The following NUDCD1 variants were observed in gnomAD, a reference collection of about 807,000 sequenced individuals.
NUDCD1 encodes nudC domain-containing protein 1.
In NUDCD1, 60 loss-of-function variants were observed where a neutral mutation model predicts 67.8. The ratio of observed to expected loss-of-function variants is 0.88; its 90% confidence interval spans 0.72 to 1.10. The LOEUF is 1.10. NUDCD1 is among the 50% of genes least tolerant of loss of function. The probability of loss-of-function intolerance (pLI) is 0.00; values close to 1 mark genes in which losing one functional copy is unlikely to be tolerated. For missense variants in NUDCD1, 643 were observed against 695.0 expected, an observed-to-expected ratio of 0.93 and a Z score of 0.84; for synonymous variants, 244 against 230.8, an observed-to-expected ratio of 1.06 and a Z score of -0.52.
intron 6 of NUDCD1, among the ~76,000 whole-genome samples, chr8:109,276,961 C>A (rs1020690967): frequency 6.6e-6 from 1 of 152,100 alleles, no homozygotes; most frequent in South Asian, 2.1e-4. Context: ...CCGTGCCCAG[C>A]CCCCAGACTG....
At chr8:109,268,445 G>A (rs953200313) in intron 8 of NUDCD1, among the ~76,000 whole-genome samples, 7 of 152,032 alleles carry the variant, frequency 4.6e-5, no homozygotes, top group Non-Finnish European at 8.8e-5. Context: ...CAGTAATAAT[G>A]GTTTTATTTT....
rs1814262882 is a variant in NUDCD1 at position 109,275,432 on chromosome 8, T to C, written c.1093A>G (p.Lys365Glu). The C allele has an allele frequency of 6.2e-7, 1 of 1,613,784 alleles. No individual in the cohort carries two copies. Among genetic ancestry groups the C allele is most frequent in the Non-Finnish European group, 8.5e-7 (1 of 1,179,712 alleles). ...LTWPELVIGD[K>E]QGELIRDSAQ... The stretch of plus-strand genomic sequence containing the variant: ...GAATCTCTTATAAGTTCCCCTTGTT[T>C]ATCTCCAATTACTAGCTCTGGCCAG... Residue 365 changes from lysine to glutamate, a missense_variant, in exon 7 of 10, where the codon AAA (lysine) becomes GAA (glutamate). By Grantham distance (56) the Lys-to-Glu change is moderately conservative. Coordinates refer to ENST00000239690, the MANE Select transcript of NUDCD1 (RefSeq NM_032869.4).
intron 1 of NUDCD1, among the ~76,000 whole-genome samples, chr8:109,331,494 C>A (rs1342961206): frequency 8.5e-6 from 1 of 117,730 alleles, no homozygotes; most frequent in Non-Finnish European, 1.6e-5. Flanking sequence ...CCAGCCTCCG[C>A]AATAGAGCAA....
intron 3 of NUDCD1, among the ~76,000 whole-genome samples, chr8:109,294,829 C>A (rs992700934): frequency 1.3e-5 from 2 of 151,924 alleles, no homozygotes; most frequent in African/African-American, 4.8e-5. Context: ...GGCCCCCTTA[C>A]CCCCCACCAT....
chr8:109,289,166 G>A (rs1176007742), intron 5 of NUDCD1, among the ~76,000 whole-genome samples: 5 of 151,668 alleles, frequency 3.3e-5, no homozygotes, highest in African/African-American at 4.8e-5. Flanking sequence ...TAGTAGAGAC[G>A]GGGTTTCATC....
chr8:109,307,404 C>G (rs866088792), intron 2 of NUDCD1, among the ~76,000 whole-genome samples: 1 of 152,198 alleles, frequency 6.6e-6, no homozygotes, highest in Admixed American at 6.5e-5. Context: ...AAATAAACAG[C>G]CTTGTGGCTC....
chr8:109,311,435 GAA>G (rs1444810816), intron 2 of NUDCD1, among the ~76,000 whole-genome samples: 1 of 151,762 alleles, frequency 6.6e-6, no homozygotes, highest in Admixed American at 6.6e-5. Context: ...CTACCCAGAG[GAA>G]AAGAAGTCAT....
intron 8 of NUDCD1, among the ~76,000 whole-genome samples, chr8:109,249,198 TA>T (rs932580818): frequency 6.6e-6 from 1 of 152,308 alleles, no homozygotes; most frequent in African/African-American, 2.4e-5. Flanking sequence ...AGAAAGAACT[TA>T]ATAAGTGTTC....
intron 6 of NUDCD1, among the ~76,000 whole-genome samples, chr8:109,278,709 T>C (rs893074435): frequency 6.6e-6 from 1 of 152,228 alleles, no homozygotes; most frequent in African/African-American, 2.4e-5. Context: ...TTCATTCATA[T>C]TGCTTTTTAT....
At chr8:109,324,211 A>G (rs1042186718) in intron 1 of NUDCD1, among the ~76,000 whole-genome samples, 5 of 152,104 alleles carry the variant, frequency 3.3e-5, no homozygotes, top group South Asian at 4.1e-4. Flanking sequence ...AGCAAAAAAA[A>G]AAAAGTCCCA....
chr8:109,309,856 C>G (rs1815200448), intron 2 of NUDCD1, among the ~76,000 whole-genome samples: 1 of 149,942 alleles, frequency 6.7e-6, no homozygotes, highest in African/African-American at 2.4e-5. Flanking sequence ...ACCCCTTTTA[C>G]AATAGCTGCC....
chr8:109,325,903 T>C (rs1815671243), intron 1 of NUDCD1, among the ~76,000 whole-genome samples: 1 of 152,228 alleles, frequency 6.6e-6, no homozygotes, highest in Admixed American at 6.5e-5. Context: ...GGTTGAGAGA[T>C]AATGGAAACA....
intron 2 of NUDCD1, among the ~76,000 whole-genome samples, chr8:109,302,485 C>CTGTG (rs1337164480): frequency 6.6e-6 from 1 of 152,110 alleles, no homozygotes; most frequent in Non-Finnish European, 1.5e-5. Flanking sequence ...CCTCCCCAGG[C>CTGTG]TGTGCCTCGC....
At chr8:109,267,241 C>T (rs1041272244) in intron 8 of NUDCD1, among the ~76,000 whole-genome samples, 1 of 152,078 alleles carries the variant, frequency 6.6e-6, no homozygotes, top group South Asian at 2.1e-4. Context: ...AAGCATAGTT[C>T]CCGACAGGTA....
At chr8:109,266,416 T>C (rs1230785283) in intron 8 of NUDCD1, among the ~76,000 whole-genome samples, 1 of 116,830 alleles carries the variant, frequency 8.6e-6, no homozygotes, top group Non-Finnish European at 1.8e-5. Flanking sequence ...TTTTTTTTTT[T>C]CGTATTTTCA....
At chr8:109,268,137 C>T (rs1239980993) in intron 8 of NUDCD1, among the ~76,000 whole-genome samples, 1 of 152,110 alleles carries the variant, frequency 6.6e-6, no homozygotes, top group East Asian at 1.9e-4. Context: ...ACTTCTTCCC[C>T]ACTCTTGATG....
intron 2 of NUDCD1, among the ~76,000 whole-genome samples, chr8:109,317,848 T>C (rs1213818612): frequency 6.6e-6 from 1 of 152,216 alleles, no homozygotes; most frequent in Non-Finnish European, 1.5e-5. Context: ...ACCTTATCAT[T>C]ATTCTTATTT....
At position 109,323,274 on chromosome 8, in the gene NUDCD1, T is replaced by C. The variant is rs113881628; in HGVS notation, c.119-811A>G. Among the ~76,000 whole-genome samples the C allele has an allele frequency of 6.4e-3, 972 of 152,260 alleles. 15 individuals carry two copies. The highest frequency in any genetic ancestry group is 0.022 in the African/African-American group (905 of 41,556). ...CTTTACTGTATTCTGATGGCAACTG[T>C]TTTCTTCCTCCCCCAAATGCTCACC... On this transcript the variant is annotated intron_variant, in intron 1 of 9. Coordinates refer to ENST00000239690, the MANE Select transcript of NUDCD1 (RefSeq NM_032869.4).
At chr8:109,292,885 G>T (rs903062147) in intron 4 of NUDCD1, among the ~76,000 whole-genome samples, 4 of 151,872 alleles carry the variant, frequency 2.6e-5, no homozygotes, top group African/African-American at 7.3e-5. Flanking sequence ...AACAAATAAT[G>T]AAGTTCAATT....
Sources: gnomAD v4.1 joint callset for allele counts (sites outside exome capture counted in the v4.1 genomes callset) on GRCh38, gnomAD v4.1.1 for gene constraint, MANE v1.5 for transcripts, NCBI Gene and HGNC (gene_info 2026-07-23, HGNC 2026-07-21) for gene names.